The following PDE10A variants were observed in gnomAD, a reference collection of about 807,000 sequenced individuals.
PDE10A encodes the protein phosphodiesterase 10A.
A neutral mutation model predicts 97.7 loss-of-function variants in PDE10A; 39 were observed. The observed-to-expected ratio is 0.40, with a 90% CI of 0.31 to 0.52. The LOEUF (loss-of-function observed/expected upper bound fraction) is 0.52, where lower values mean the gene tolerates loss of function less well. PDE10A is among the 20% of genes least tolerant of loss of function. The probability of loss-of-function intolerance (pLI) is 0.56; values close to 1 mark genes in which losing one functional copy is unlikely to be tolerated. For missense variants in PDE10A, 731 were observed against 1,047.8 expected, an observed-to-expected ratio of 0.70 and a Z score of 4.17; for synonymous variants, 371 against 376.8, an observed-to-expected ratio of 0.98 and a Z score of 0.18.
chr6:165,954,857 A>G (rs915702989), intron 1 of PDE10A, among the ~76,000 whole-genome samples: 4 of 152,010 alleles, frequency 2.6e-5, no homozygotes, highest in Admixed American at 1.3e-4. Flanking sequence ...CTTTCTTCAA[A>G]GTTCACAAGC....
intron 1 of PDE10A, among the ~76,000 whole-genome samples, chr6:165,651,668 G>GT (rs1167892614): frequency 6.6e-6 from 1 of 152,092 alleles, no homozygotes; most frequent in African/African-American, 2.4e-5. Flanking sequence ...TTTACTTCTG[G>GT]TTTTTGAGTC....
At chr6:165,535,617 G>C (rs1783037984) in intron 2 of PDE10A, among the ~76,000 whole-genome samples, 1 of 151,332 alleles carries the variant, frequency 6.6e-6, no homozygotes, top group Admixed American at 6.6e-5. Context: ...GTGTGTGTGT[G>C]TGTACACACA....
intron 2 of PDE10A, among the ~76,000 whole-genome samples, chr6:165,488,509 G>C (rs914087382): frequency 9.2e-5 from 14 of 152,186 alleles, no homozygotes; most frequent in Non-Finnish European, 1.8e-4. Flanking sequence ...CCACTCGGTG[G>C]ACAGAGCAGC....
chr6:165,943,304 AAAG>A (rs1783634860), intron 1 of PDE10A, among the ~76,000 whole-genome samples: 1 of 137,130 alleles, frequency 7.3e-6, no homozygotes, highest in South Asian at 2.5e-4. Flanking sequence ...GGAAAGAAAG[AAAG>A]AAGGAAGGAA....
intron 2 of PDE10A, among the ~76,000 whole-genome samples, chr6:165,527,438 C>A (rs151195556): frequency 1.5e-4 from 23 of 152,278 alleles, no homozygotes; most frequent in Non-Finnish European, 3.1e-4. Flanking sequence ...CTGTTTGGAG[C>A]CTTTGGCAGG....
At chr6:165,829,215 C>A (rs1316513247) in intron 1 of PDE10A, among the ~76,000 whole-genome samples, 3 of 152,212 alleles carry the variant, frequency 2.0e-5, no homozygotes, top group Non-Finnish European at 4.4e-5. Flanking sequence ...GGCCACTCTG[C>A]CTCCCTGATA....
chr6:165,871,280 G>A (rs911043143), intron 1 of PDE10A, among the ~76,000 whole-genome samples: 85 of 152,274 alleles, frequency 5.6e-4, no homozygotes, highest in African/African-American at 1.9e-3. Flanking sequence ...GATGAATCTC[G>A]CAAATATTGT....
chr6:165,827,363 C>T (rs544004813), intron 1 of PDE10A, among the ~76,000 whole-genome samples: 2 of 152,328 alleles, frequency 1.3e-5, no homozygotes, highest in South Asian at 2.1e-4. Flanking sequence ...AGGAGGTGCC[C>T]GGTGACAGCG....
chr6:165,644,787 A>G (rs577379977), intron 1 of PDE10A, among the ~76,000 whole-genome samples: 2 of 152,342 alleles, frequency 1.3e-5, no homozygotes, highest in East Asian at 3.9e-4. Flanking sequence ...AGACTTTGTC[A>G]GCCCTGCTGT....
chr6:165,504,298 AC>A (rs1402828229), intron 2 of PDE10A, among the ~76,000 whole-genome samples: 4 of 152,208 alleles, frequency 2.6e-5, no homozygotes, highest in Non-Finnish European at 5.9e-5. Context: ...TTTTATTAAA[AC>A]TATAAAAAAT....
At chr6:165,358,634 A>G (rs749770504) in intron 18 of PDE10A, among the ~76,000 whole-genome samples, 1 of 151,748 alleles carries the variant, frequency 6.6e-6, no homozygotes, top group Non-Finnish European at 1.5e-5. Flanking sequence ...AGCTGGTCTG[A>G]TCATTTCTGG....
At chr6:165,971,194 A>G (rs1412961621) in intron 1 of PDE10A, among the ~76,000 whole-genome samples, 1 of 152,186 alleles carries the variant, frequency 6.6e-6, no homozygotes, top group Non-Finnish European at 1.5e-5. Context: ...AAATCGCTAT[A>G]AAGAAATCAC....
intron 1 of PDE10A, among the ~76,000 whole-genome samples, chr6:165,907,352 C>T (rs1381929385): frequency 6.6e-6 from 1 of 152,210 alleles, no homozygotes; most frequent in Non-Finnish European, 1.5e-5. Flanking sequence ...GGCATAGAGG[C>T]TGAGGTGTGA....
chr6:165,712,679 G>A (rs1791928358), intron 1 of PDE10A, among the ~76,000 whole-genome samples: 1 of 123,468 alleles, frequency 8.1e-6, no homozygotes, highest in African/African-American at 3.1e-5. Context: ...TCGCTCTGTC[G>A]CCCAGGCTGG....
chr6:165,786,101 C>T (rs746317488), intron 1 of PDE10A, among the ~76,000 whole-genome samples: 3 of 152,166 alleles, frequency 2.0e-5, no homozygotes, highest in East Asian at 1.9e-4. Context: ...GTTTTAGCTA[C>T]GTAATCGATT....
In PDE10A at chr6:165,957,259, T is replaced by A. The variant is rs931199116; in HGVS notation, c.-615+30270A>T. The stretch of plus-strand genomic sequence containing the variant: ...ACTTTGGAAGGCCAAAGTGGAAGGA[T>A]CACTTGAGACCAGGAGTTTGAGACC... On this transcript the variant is annotated intron_variant, in intron 1 of 19. Transcript: ENST00000366882. Among the ~76,000 whole-genome samples the A allele has an allele frequency of 3.9e-5, 6 of 152,046 alleles. No individual in the cohort carries two copies. The East Asian group carries it at 1.2e-3, about 29-fold the overall frequency.
chr6:165,780,028 C>T (rs1401208527), intron 1 of PDE10A, among the ~76,000 whole-genome samples: 1 of 152,146 alleles, frequency 6.6e-6, no homozygotes, highest in East Asian at 1.9e-4. Flanking sequence ...TGTGTTACTG[C>T]CTTTTCTCTA....
chr6:165,821,561 C>T (rs1387822073), intron 1 of PDE10A, among the ~76,000 whole-genome samples: 1 of 151,940 alleles, frequency 6.6e-6, no homozygotes, highest in Non-Finnish European at 1.5e-5. Context: ...GTCCTCCAGG[C>T]GGGAGTGCAG....
chr6:165,572,099 T>C (rs1368937420), intron 1 of PDE10A, among the ~76,000 whole-genome samples: 1 of 152,250 alleles, frequency 6.6e-6, no homozygotes, highest in African/African-American at 2.4e-5. Context: ...GAAAGTTTCA[T>C]GTATGTAACC....
Sources: gnomAD v4.1 joint callset for allele counts (sites outside exome capture counted in the v4.1 genomes callset) on GRCh38, gnomAD v4.1.1 for gene constraint, MANE v1.5 for transcripts, NCBI Gene and HGNC (gene_info 2026-07-23, HGNC 2026-07-21) for gene names.